ZNF385D: variants seen among roughly 807,000 people sequenced by gnomAD.
ZNF385D encodes the protein zinc finger protein 385D, also known as zinc finger protein 659.
Under a neutral mutation model 35.8 loss-of-function variants are expected in ZNF385D, and 15 were observed. The observed-to-expected ratio is 0.42, with a 90% CI of 0.28 to 0.64. The LOEUF is 0.64. ZNF385D is among the 30% of genes least tolerant of loss of function. ZNF385D has a pLI of 0.23. For synonymous variants in ZNF385D, 212 were observed against 186.8 expected (o/e 1.13, Z -1.10); for missense variants, 474 against 494.6 (o/e 0.96, Z 0.39).
intron 4 of ZNF385D, among the ~76,000 whole-genome samples, chr3:21,440,559 G>GA (rs1443840478): frequency 6.6e-6 from 1 of 152,002 alleles, no homozygotes; most frequent in Non-Finnish European, 1.5e-5. Flanking sequence ...TAAAAACTTG[G>GA]AAAATCAAAT....
At position 22,097,947 on chromosome 3, in the gene ZNF385D, T is replaced by C. The variant is rs112701411; in HGVS notation, c.325+70870A>G. ...TTGTCATTTACAACTCATGTGAGCT[T>C]GAACAAGGATCATACTAATGTTAAC... On this transcript the variant is annotated intron_variant, in intron 3 of 5. Coordinates refer to the ZNF385D transcript ENST00000494108. Among the ~76,000 whole-genome samples, 12 of 152,152 alleles carry C rather than the reference T, an allele frequency of 7.9e-5. 1 individual carries two copies. Among genetic ancestry groups the C allele is most frequent in the African/African-American group, 2.9e-4 (12 of 41,540 alleles).
At chr3:21,719,283 C>G (rs1294208343) in intron 1 of ZNF385D, among the ~76,000 whole-genome samples, 1 of 152,178 alleles carries the variant, frequency 6.6e-6, no homozygotes. Flanking sequence ...AATTTTAAAT[C>G]CAGGCATACT....
intron 2 of ZNF385D, among the ~76,000 whole-genome samples, chr3:22,365,897 T>C (rs1696635435): frequency 6.6e-6 from 1 of 152,104 alleles, no homozygotes; most frequent in Non-Finnish European, 1.5e-5. Context: ...TATGTTTCTG[T>C]TGTTATTATT....
At chr3:22,143,797 C>A (rs1704674456) in intron 3 of ZNF385D, among the ~76,000 whole-genome samples, 1 of 152,120 alleles carries the variant, frequency 6.6e-6, no homozygotes, top group Non-Finnish European at 1.5e-5. Context: ...AGTTTGAATT[C>A]ATCTTCCAGC....
At chr3:22,208,294 G>T (rs1461471562) in intron 2 of ZNF385D, among the ~76,000 whole-genome samples, 1 of 151,858 alleles carries the variant, frequency 6.6e-6, no homozygotes, top group East Asian at 1.9e-4. Context: ...CAACAACATG[G>T]ATGGAACTGG....
chr3:22,122,749 C>A (rs537677016), intron 3 of ZNF385D, among the ~76,000 whole-genome samples: 1 of 152,104 alleles, frequency 6.6e-6, no homozygotes, highest in Admixed American at 6.6e-5. Context: ...CGGTGACATT[C>A]GAGTCACATG....
At chr3:21,795,919 A>C (rs1450334625) in intron 3 of ZNF385D, among the ~76,000 whole-genome samples, 2 of 152,240 alleles carry the variant, frequency 1.3e-5, no homozygotes, top group Non-Finnish European at 2.9e-5. Flanking sequence ...GTAAAAGCTA[A>C]TAATTTGCTA....
At chr3:22,182,331 A>C (rs1576458171) in intron 2 of ZNF385D, among the ~76,000 whole-genome samples, 1 of 152,168 alleles carries the variant, frequency 6.6e-6, no homozygotes, top group African/African-American at 2.4e-5. Context: ...AGTTAAATGA[A>C]TTAAATATCC....
intron 3 of ZNF385D, among the ~76,000 whole-genome samples, chr3:21,773,061 G>A (rs946358947): frequency 6.6e-6 from 1 of 151,812 alleles, no homozygotes; most frequent in Non-Finnish European, 1.5e-5. Flanking sequence ...AGAGAAAAAT[G>A]GGGAGATCTT....
chr3:21,787,532 C>G (rs547404420), intron 3 of ZNF385D, among the ~76,000 whole-genome samples: 1 of 152,180 alleles, frequency 6.6e-6, no homozygotes, highest in South Asian at 2.1e-4. Context: ...AGTAGAAGCC[C>G]TTTCTTAGGA....
intron 3 of ZNF385D, among the ~76,000 whole-genome samples, chr3:21,850,079 A>G (rs1483124671): frequency 6.6e-6 from 1 of 152,126 alleles, no homozygotes; most frequent in African/African-American, 2.4e-5. Context: ...GTTGCAAATT[A>G]TGGCAACTTA....
chr3:21,908,522 A>G (rs1184244873), intron 3 of ZNF385D, among the ~76,000 whole-genome samples: 1 of 152,152 alleles, frequency 6.6e-6, no homozygotes, highest in African/African-American at 2.4e-5. Context: ...AAACACTGTA[A>G]CAGGCTGAGC....
intron 3 of ZNF385D, among the ~76,000 whole-genome samples, chr3:21,926,553 G>C: frequency 6.6e-6 from 1 of 152,042 alleles, no homozygotes; most frequent in African/African-American, 2.4e-5. Context: ...ATTTGGGTTG[G>C]TTCCAAGTCT....
chr3:22,131,363 T>G (rs183522962), intron 3 of ZNF385D, among the ~76,000 whole-genome samples: 1 of 151,336 alleles, frequency 6.6e-6, no homozygotes, highest in African/African-American at 2.4e-5. Flanking sequence ...CTATTTGGAG[T>G]AGATTAAAAA....
At chr3:21,569,922 A>AGGGGGGGGGGGGGG (rs1575210384) in intron 2 of ZNF385D, among the ~76,000 whole-genome samples, 39 of 115,270 alleles carry the variant, frequency 3.4e-4, no homozygotes, top group African/African-American at 3.8e-4. Flanking sequence ...GTGGGGGGGC[A>AGGGGGGGGGGGGGG]GGGAGGGATA....
At chr3:22,275,822 C>T (rs563786388) in intron 2 of ZNF385D, among the ~76,000 whole-genome samples, 71 of 152,268 alleles carry the variant, frequency 4.7e-4, no homozygotes, top group African/African-American at 1.5e-3. Flanking sequence ...CAGTGGCTCA[C>T]GCCTGTAATC....
intron 2 of ZNF385D, among the ~76,000 whole-genome samples, chr3:22,215,191 C>G (rs989093667): frequency 6.6e-6 from 1 of 151,932 alleles, no homozygotes; most frequent in African/African-American, 2.4e-5. Context: ...CTTAACTGCA[C>G]AAATTGTTCG....
intron 1 of ZNF385D, among the ~76,000 whole-genome samples, chr3:21,680,613 A>G (rs1393890181): frequency 1.3e-5 from 2 of 152,156 alleles, no homozygotes; most frequent in Non-Finnish European, 2.9e-5. Context: ...TCAAAAGGTA[A>G]TATGCTCTAC....
intron 3 of ZNF385D, among the ~76,000 whole-genome samples, chr3:22,046,966 T>C (rs1699041153): frequency 6.6e-6 from 1 of 152,136 alleles, no homozygotes; most frequent in Non-Finnish European, 1.5e-5. Flanking sequence ...TTAGATTATA[T>C]CTAATTTGAA....
Sources: gnomAD v4.1 joint callset for allele counts (sites outside exome capture counted in the v4.1 genomes callset) on GRCh38, gnomAD v4.1.1 for gene constraint, MANE v1.5 for transcripts, NCBI Gene and HGNC (gene_info 2026-07-23, HGNC 2026-07-21) for gene names.